CHD9: variants seen among roughly 807,000 people sequenced by gnomAD.
CHD9 encodes the protein chromodomain helicase DNA binding protein 9, also known as ATP-dependent chromatin remodeler CHD9.
Under a neutral mutation model 316.1 loss-of-function variants are expected in CHD9, and 77 were observed. That is an observed-to-expected ratio of 0.24 (90% CI 0.20 to 0.29). The LOEUF is 0.29. CHD9 is among the 10% of genes least tolerant of loss of function. The pLI is 1.00. For synonymous variants in CHD9, 1,129 were observed against 1,158.3 expected (o/e 0.97, Z 0.51); for missense variants, 2,763 against 3,438.1 (o/e 0.80, Z 4.91).
At chr16:53,241,008 C>T (rs1280267388) in intron 12 of CHD9, among the ~76,000 whole-genome samples, 3 of 151,930 alleles carry the variant, frequency 2.0e-5, no homozygotes, top group African/African-American at 7.3e-5. Context: ...ATATTATATC[C>T]CAGGTTTTTA....
chr16:53,197,728 C>T (rs985531162), intron 2 of CHD9, among the ~76,000 whole-genome samples: 2 of 150,834 alleles, frequency 1.3e-5, no homozygotes, highest in African/African-American at 4.9e-5. Context: ...GCGATCTCTG[C>T]GCCGCAACCT....
In CHD9 at chr16:53,274,711, G is replaced by GC. The variant is rs545883151; in HGVS notation, c.4967+416dup. 6.0e-3 allele frequency among the ~76,000 whole-genome samples: 910 copies of GC among 151,890 alleles called. 2 individuals are homozygous for GC. Among genetic ancestry groups the GC allele is most frequent in the Non-Finnish European group, 9.3e-3 (629 of 67,936 alleles). ...GACCTCAGGTGATCCATCCGCCTTG[G>GC]CCCCCCCACAAAGTGCTGGGATTAC... is the stretch of plus-strand genomic sequence containing the variant. On this transcript the variant is annotated intron_variant, in intron 24 of 38. Coordinates refer to ENST00000447540, the MANE Select transcript of CHD9 (RefSeq NM_001308319.2).
intron 27 of CHD9, 116 bp downstream of exon 27, chr16:53,288,130 C>T (rs2054037113): frequency 2.7e-6 from 2 of 741,382 alleles, no homozygotes; most frequent in Admixed American, 2.2e-5. Flanking sequence ...TTCTGTTCCT[C>T]AGATTAGCTA....
chr16:53,229,489 T>C (rs556953350), intron 8 of CHD9, among the ~76,000 whole-genome samples: 35 of 152,356 alleles, frequency 2.3e-4, no homozygotes, highest in African/African-American at 8.2e-4. Context: ...ACTAGCTTCA[T>C]GTATGTGAAC....
chr16:53,165,939 C>A (rs1013845663), intron 2 of CHD9, among the ~76,000 whole-genome samples: 1 of 151,960 alleles, frequency 6.6e-6, no homozygotes, highest in African/African-American at 2.4e-5. Flanking sequence ...AGGTACCATC[C>A]CTCTATTTTT....
At chr16:53,315,093 C>A in intron 36 of CHD9, 49 bp downstream of exon 36, 2 of 1,299,620 alleles carry the variant, frequency 1.5e-6, no homozygotes, top group Non-Finnish European at 2.2e-6. Context: ...TATGAGTTGT[C>A]AGATCTATCA....
At chr16:53,228,697 T>C (rs1404971003) in intron 7 of CHD9, among the ~76,000 whole-genome samples, 1 of 152,136 alleles carries the variant, frequency 6.6e-6, no homozygotes, top group Non-Finnish European at 1.5e-5. Flanking sequence ...AAAACTGTTA[T>C]AGGGAAATAA....
chr16:53,295,159 C>T (rs1287031702), intron 29 of CHD9, among the ~76,000 whole-genome samples: 1 of 152,180 alleles, frequency 6.6e-6, no homozygotes, highest in Non-Finnish European at 1.5e-5. Flanking sequence ...CGGAGTCTCC[C>T]TCTGTCACCC....
intron 2 of CHD9, among the ~76,000 whole-genome samples, chr16:53,157,992 CA>C (rs1416136379): frequency 6.6e-6 from 1 of 151,830 alleles, no homozygotes; most frequent in Non-Finnish European, 1.5e-5. Flanking sequence ...CTGAAATTCA[CA>C]AAAAGGAAAT....
At chr16:53,097,991 G>A (rs1006775169) in intron 1 of CHD9, among the ~76,000 whole-genome samples, 1 of 151,862 alleles carries the variant, frequency 6.6e-6, no homozygotes, top group African/African-American at 2.4e-5. Flanking sequence ...GTGGTGGCAG[G>A]TGCCTGTAAT....
chr16:53,310,141 T>A (rs1290857305), intron 34 of CHD9, among the ~76,000 whole-genome samples: 1 of 152,258 alleles, frequency 6.6e-6, no homozygotes, highest in Admixed American at 6.5e-5. Context: ...TGGTCTCTTG[T>A]GGATTCATTA....
At chr16:53,239,894 A>G (rs1398158612) in intron 12 of CHD9, among the ~76,000 whole-genome samples, 3 of 152,170 alleles carry the variant, frequency 2.0e-5, no homozygotes, top group Non-Finnish European at 2.9e-5. Flanking sequence ...GACTATTTTC[A>G]ATTGAAGAAT....
chr16:53,078,175 A>C (rs1390355973), intron 1 of CHD9, among the ~76,000 whole-genome samples: 2 of 152,238 alleles, frequency 1.3e-5, no homozygotes, highest in Admixed American at 1.3e-4. Flanking sequence ...TCTCCTGTGT[A>C]ACTGAAACTT....
chr16:53,204,701 C>A (rs1416370075), intron 2 of CHD9, among the ~76,000 whole-genome samples: 3 of 152,104 alleles, frequency 2.0e-5, no homozygotes, highest in African/African-American at 4.8e-5. Flanking sequence ...TATATAGAGT[C>A]TTCCATATAT....
chr16:53,278,246 TA>T (rs1374586415), intron 24 of CHD9, among the ~76,000 whole-genome samples: 1 of 151,948 alleles, frequency 6.6e-6, no homozygotes, highest in Non-Finnish European at 1.5e-5. Context: ...TTCACAGAAC[TA>T]GAGAAAAACA....
chr16:53,248,523 T>G lies in CHD9; in HGVS notation c.3665+1020T>G, dbSNP rs555687144. On this transcript the variant is annotated intron_variant, in intron 16 of 38. Transcript: ENST00000447540. ...TGTTTTTGCTTTGTTGGTTTTTTTT[T>G]TTGTTTTTTTTTTTTTTTTGAAGAC... Among the ~76,000 whole-genome samples, 9 of 133,760 alleles carry G rather than the reference T, an allele frequency of 6.7e-5. No homozygotes were observed. The East Asian group carries it at 1.1e-3, about 16-fold the overall frequency. 87.8% of individuals were successfully genotyped at this position (133,760 alleles called of 152,430 possible). A position where few individuals can be genotyped will look rare whatever the true frequency, so the allele number is the denominator to read the frequency against.
intron 11 of CHD9, among the ~76,000 whole-genome samples, chr16:53,235,554 T>A (rs1199360639): frequency 2.0e-5 from 3 of 152,144 alleles, no homozygotes; most frequent in Non-Finnish European, 4.4e-5. Flanking sequence ...GAAATACCTT[T>A]CCAAGAGTCC....
At chr16:53,119,783 G>C (rs747325898) in intron 1 of CHD9, among the ~76,000 whole-genome samples, 1 of 152,094 alleles carries the variant, frequency 6.6e-6, no homozygotes, top group African/African-American at 2.4e-5. Context: ...AGTGAGCCGA[G>C]ACTGAGCCAC....
chr16:53,205,395 G>A (rs769387926), intron 2 of CHD9, among the ~76,000 whole-genome samples: 1 of 152,096 alleles, frequency 6.6e-6, no homozygotes, highest in Non-Finnish European at 1.5e-5. Context: ...TAATAAAGCA[G>A]GAGCTGTGGG....
Sources: gnomAD v4.1 joint callset for allele counts (sites outside exome capture counted in the v4.1 genomes callset) on GRCh38, gnomAD v4.1.1 for gene constraint, MANE v1.5 for transcripts, NCBI Gene and HGNC (gene_info 2026-07-23, HGNC 2026-07-21) for gene names.